Variants in SULT1A1 observed in about 807,000 individuals in gnomAD.
SULT1A1 encodes the protein sulfotransferase 1A1.
Under a neutral mutation model 36.8 loss-of-function variants are expected in SULT1A1, and 35 were observed. The observed-to-expected ratio is 0.95, with a 90% CI of 0.73 to 1.26. SULT1A1 has a LOEUF of 1.26. Among genes scored for constraint, SULT1A1 ranks in the 50% most tolerant of loss-of-function variants. SULT1A1 has a pLI of 0.00. For synonymous variants in SULT1A1, 119 were observed against 146.0 expected (o/e 0.82, Z 1.33); for missense variants, 309 against 383.0 (o/e 0.81, Z 1.61).
chr16:28,610,061 C>T (rs532472405), upstream of SULT1A1: 1,816 of 1,182,664 alleles, frequency 1.5e-3, 65 homozygotes, highest in Non-Finnish European at 1.9e-3. Context: ...GATCTGGAGC[C>T]GGGGCTGGAC....
chr16:28,605,855 G>C lies in SULT1A1; in HGVS notation c.854C>G (p.Ala285Gly), dbSNP rs746968899. The change falls in exon 8 of 8, where the codon GCA becomes GGA. Residue 285 changes from alanine to glycine, a missense_variant. By Grantham distance (60) the Ala-to-Gly change is moderately conservative. This residue lies in a region of SULT1A1 where 67 missense variants were observed against 122.0 expected (regional missense o/e 0.55). Coordinates refer to ENST00000314752, the MANE Select transcript of SULT1A1 (RefSeq NM_001055.4). The part of the protein sequence containing the change: ...RFDADYAEKM[A>G]GCSLSFRSEL Reference sequence around the variant, plus strand: ...AGAGCGGAAGCTGAGGCTGCAGCCTGCCATCTTCTCCGCATAGTCCGCATC... The same window carrying C: ...AGAGCGGAAGCTGAGGCTGCAGCCTCCCATCTTCTCCGCATAGTCCGCATC... 6.2e-7 allele frequency: 1 copy of C among 1,608,902 alleles called. No homozygotes were observed. Among genetic ancestry groups the C allele is most frequent in the African/African-American group, 1.3e-5 (1 of 74,774 alleles).
intron 4 of SULT1A1, chr16:28,607,462 C>T (rs1192370733): frequency 2.9e-5 from 6 of 206,760 alleles, no homozygotes; most frequent in Non-Finnish European, 6.0e-5. Flanking sequence ...ACAGTCCCCG[C>T]CGCAGAAGAT....
rs1443339268 is a variant in SULT1A1 at position 28,605,425 on chromosome 16, C to G, written c.*396G>C. On this transcript the variant is annotated 3_prime_UTR_variant, in exon 8 of 8. Coordinates refer to ENST00000314752, the MANE Select transcript of SULT1A1 (RefSeq NM_001055.4). ...AGCTGGGACTACAGGTGCCCACCAT[C>G]ACGTACAGATAATTTTCTCAAATTT... The G allele has an allele frequency of 1.2e-5, 4 of 335,024 alleles. No homozygotes were observed. The East Asian group carries it at 3.1e-4, about 26-fold the overall frequency. The allele number at this position is 335,024 out of a possible 1,614,324, so 20.8% of individuals were successfully genotyped here. A position where few individuals can be genotyped will look rare whatever the true frequency, so the allele number is the denominator to read the frequency against.
At chr16:28,618,958 A>G (rs2047599309) in intron 2 of SULT1A1, among the ~76,000 whole-genome samples, 1 of 152,212 alleles carries the variant, frequency 6.6e-6, no homozygotes, top group South Asian at 2.1e-4. Context: ...AATAAGAGTT[A>G]ATATAATAAA....
rs775193109 is a variant in SULT1A1 at position 28,608,351 on chromosome 16, G to C, written c.312C>G (p.Leu104=). Residue 104 remains leucine, a synonymous_variant, in exon 4 of 8, where the codon CTC becomes CTG. Coordinates refer to ENST00000314752, the MANE Select transcript of SULT1A1 (RefSeq NM_001055.4). The part of the protein sequence containing the change: ...ETLKDTPAPR[L]LKTHLPLALL... Reference sequence around the variant, plus strand: ...GAGCCAGGGGCAGGTGTGTCTTCAGGAGTCGTGGGGCCGGTGTGTCTTTCA... The same window carrying C: ...GAGCCAGGGGCAGGTGTGTCTTCAGCAGTCGTGGGGCCGGTGTGTCTTTCA... 3 of 1,612,384 alleles carry C rather than the reference G, an allele frequency of 1.9e-6. No homozygotes were observed. The South Asian group carries it at 3.3e-5, about 18-fold the overall frequency.
At position 28,618,166 on chromosome 16, in the gene SULT1A1, C is replaced by T. The variant is rs750726129; in HGVS notation, c.138+1897G>A. Among the ~76,000 whole-genome samples, 160 of 151,426 alleles carry T rather than the reference C, an allele frequency of 1.1e-3. 1 individual carries two copies. Among genetic ancestry groups the T allele is most frequent in the Non-Finnish European group, 1.7e-3 (115 of 67,884 alleles). On this transcript the variant is annotated intron_variant, in intron 2 of 5. Transcript: ENST00000350842. ...AATCCTCCCATCTCAGCTTCCTGAG[C>T]AGCTGGGACAACAGACGCTTGCCAC...
chr16:28,605,800 C>T lies in SULT1A1; in HGVS notation c.*21G>A, dbSNP rs766628978. The T allele has an allele frequency of 1.2e-6, 2 of 1,609,848 alleles. No homozygotes were observed. Among genetic ancestry groups the T allele is most frequent in the South Asian group, 1.1e-5 (1 of 90,890 alleles). On this transcript the variant is annotated 3_prime_UTR_variant, in exon 8 of 8. Coordinates refer to ENST00000314752, the MANE Select transcript of SULT1A1 (RefSeq NM_001055.4). Reference sequence around the variant, plus strand: ...AGGTTTGATTCGCACACTCCCTCTGCAGTGACTCCAGGAGCCCCTCTCACA... The same window carrying T: ...AGGTTTGATTCGCACACTCCCTCTGTAGTGACTCCAGGAGCCCCTCTCACA...
At chr16:28,614,432 G>A (rs1220692602), upstream of SULT1A1, among the ~76,000 whole-genome samples, 10 of 129,446 alleles carry the variant, frequency 7.7e-5, no homozygotes, top group African/African-American at 2.4e-4. Flanking sequence ...CTTCCTCCTG[G>A]CACAGAGACC....
chr16:28,605,866 C>T lies in SULT1A1; in HGVS notation c.843G>A (p.Ala281=), dbSNP rs761682302. Residue 281 remains alanine, a synonymous_variant, in exon 8 of 8, where the codon GCG becomes GCA. Coordinates refer to ENST00000314752, the MANE Select transcript of SULT1A1 (RefSeq NM_001055.4). Reference sequence around the variant, plus strand: ...TGAGGCTGCAGCCTGCCATCTTCTCCGCATAGTCCGCATCGAAGCGCTCAT... The same window carrying T: ...TGAGGCTGCAGCCTGCCATCTTCTCTGCATAGTCCGCATCGAAGCGCTCAT... The part of the protein sequence containing the change: ...AQNERFDADY[A]EKMAGCSLSF... 34 of 1,609,544 alleles carry T rather than the reference C, an allele frequency of 2.1e-5. No individual in the cohort carries two copies. The highest frequency in any genetic ancestry group is 1.5e-4 in the African/African-American group (11 of 74,784).
exon 2 of SULT1A1, chr16:28,620,124 A>T: frequency 5.6e-6 from 9 of 1,613,068 alleles, no homozygotes; most frequent in Non-Finnish European, 7.6e-6. Flanking sequence ...TCCCTGGAGA[A>T]TGCTCATACC....
At position 28,606,294 on chromosome 16, in the gene SULT1A1, AG is replaced by A; in HGVS notation, c.595-59del. 5.0e-6 allele frequency: 8 copies of A among 1,610,694 alleles called. 1 individual carries two copies. Among genetic ancestry groups the A allele is most frequent in the Non-Finnish European group, 6.8e-6 (8 of 1,177,646 alleles). On this transcript the variant is annotated intron_variant, in intron 6 of 7. Transcript: ENST00000314752. ...GGATTACTGATTCAGGAAAAGTAAA[AG>A]GGGTCCCCTTCTCTAACCTCAGAGG...
At chr16:28,609,893 G>C in intron 1 of SULT1A1, 38 bp downstream of exon 1, 2 of 1,267,626 alleles carry the variant, frequency 1.6e-6, no homozygotes, top group Non-Finnish European at 2.0e-6. Flanking sequence ...AGCTGAGCAG[G>C]GTGAGGGCGC....
chr16:28,615,660 C>A (rs1316150519), intron 2 of SULT1A1, among the ~76,000 whole-genome samples: 1 of 152,158 alleles, frequency 6.6e-6, no homozygotes. Flanking sequence ...CCCGGGTGAC[C>A]ACTACCACCA....
At chr16:28,623,160 G>C (rs1182154114) in exon 1 of SULT1A1, 2 of 1,546,654 alleles carry the variant, frequency 1.3e-6, no homozygotes, top group Non-Finnish European at 1.7e-6. Flanking sequence ...CGCGATGGGC[G>C]CACCGACCAC....
chr16:28,620,940 G>A (rs563942269), intron 1 of SULT1A1, among the ~76,000 whole-genome samples: 8 of 151,818 alleles, frequency 5.3e-5, no homozygotes, highest in African/African-American at 7.3e-5. Context: ...GAGAAACCCC[G>A]TCTCTACTAA....
chr16:28,623,239 C>T (rs941517925), exon 1 of SULT1A1: 2 of 1,545,158 alleles, frequency 1.3e-6, no homozygotes, highest in Non-Finnish European at 8.7e-7. Context: ...TCCAGCAGGC[C>T]CAGCCACACG....
Position 28,608,334 on chromosome 16 carries a change from G to C in SULT1A1, c.329C>G (p.Pro110Arg). Residue 110 changes from proline to arginine, a missense_variant, in exon 4 of 8, where the codon CCC (proline) becomes CGC (arginine). Physicochemically the swap from Pro to Arg is moderately radical, Grantham distance 103. Transcript: ENST00000314752. ...PAPRLLKTHL[P>R]LALLPQTLLD... Reference sequence around the variant, plus strand: ...CAGAGTCTGGGGGAGCAGAGCCAGGGGCAGGTGTGTCTTCAGGAGTCGTGG... The same window carrying C: ...CAGAGTCTGGGGGAGCAGAGCCAGGCGCAGGTGTGTCTTCAGGAGTCGTGG... The C allele has an allele frequency of 6.2e-7, 1 of 1,612,350 alleles. No individual in the cohort carries two copies. Among genetic ancestry groups the C allele is most frequent in the Non-Finnish European group, 8.5e-7 (1 of 1,178,664 alleles).
chr16:28,620,535 G>C (rs148738186), intron 1 of SULT1A1, among the ~76,000 whole-genome samples: 1 of 134,314 alleles, frequency 7.4e-6, no homozygotes, highest in Non-Finnish European at 1.5e-5. Flanking sequence ...CTGCACTCCA[G>C]TCTGGACAAC....
intron 2 of SULT1A1, among the ~76,000 whole-genome samples, chr16:28,615,599 TTGG>T (rs1046573277): frequency 3.3e-5 from 5 of 151,702 alleles, no homozygotes; most frequent in Non-Finnish European, 5.9e-5. Context: ...TGCTGTGACC[TTGG>T]TGACAGCACG....
Sources: allele counts gnomAD v4.1 joint callset (sites outside exome capture counted in the v4.1 genomes callset), GRCh38; gene constraint gnomAD v4.1.1; regional missense constraint gnomAD v4.1.1; transcripts MANE v1.5; gene names NCBI Gene and HGNC (gene_info 2026-07-23, HGNC 2026-07-21).